The following ZNF407 variants were observed in gnomAD, a reference collection of about 807,000 sequenced individuals.
ZNF407 encodes zinc finger protein 407.
ZNF407 carries 17 observed loss-of-function variants against 131.2 expected under a neutral mutation model. The ratio of observed to expected loss-of-function variants is 0.13; its 90% CI spans 0.09 to 0.19. The LOEUF is 0.19. ZNF407 is among the 10% of genes least tolerant of loss of function. The pLI, the probability that ZNF407 is intolerant of heterozygous loss-of-function variation, is 1.00. For synonymous variants in ZNF407, 1,156 were observed against 1,062.0 expected (o/e 1.09, Z -1.72); for missense variants, 2,681 against 2,830.6 (o/e 0.95, Z 1.20).
intron 8 of ZNF407, among the ~76,000 whole-genome samples, chr18:75,011,484 TA>T (rs1299131503): frequency 6.6e-6 from 1 of 152,154 alleles, no homozygotes; most frequent in African/African-American, 2.4e-5. Context: ...TTTTACTCAT[TA>T]CCACTACAAA....
At chr18:74,794,691 T>C (rs560840143) in intron 4 of ZNF407, among the ~76,000 whole-genome samples, 1 of 152,282 alleles carries the variant, frequency 6.6e-6, no homozygotes, top group Admixed American at 6.5e-5. Flanking sequence ...AAATGGTCTG[T>C]ATCTCCATAT....
chr18:75,007,187 T>TTTTA (rs879803227), intron 8 of ZNF407, among the ~76,000 whole-genome samples: 60 of 151,864 alleles, frequency 4.0e-4, no homozygotes, highest in Non-Finnish European at 6.8e-4. Flanking sequence ...TGTTAGTATT[T>TTTTA]TTTATTTATT....
rs1459991366 is a variant in ZNF407 at position 74,706,268 on chromosome 18, TG to T, written c.4802+65147del. Among the ~76,000 whole-genome samples the T allele has an allele frequency of 2.6e-5, 4 of 152,252 alleles. No homozygotes were observed. In the East Asian group the frequency reaches 7.7e-4, roughly 29 times the overall value. Reference sequence around the variant, plus strand: ...TCTTTTCTGCTATTTACTAGACTTTTGTTCAAAGCTTTCACTTTTGTTTTGG... The same window carrying T: ...TCTTTTCTGCTATTTACTAGACTTTTTTCAAAGCTTTCACTTTTGTTTTGG... On this transcript the variant is annotated intron_variant, in intron 3 of 8. Coordinates refer to ENST00000299687, the MANE Select transcript of ZNF407 (RefSeq NM_017757.3).
At chr18:74,804,144 T>C in intron 4 of ZNF407, 3 of 1,493,340 alleles carry the variant, frequency 2.0e-6, no homozygotes, top group Non-Finnish European at 2.7e-6. Flanking sequence ...ATTGTCTTTT[T>C]TTTTTTCCTT....
chr18:74,748,390 A>G (rs188391045), intron 3 of ZNF407, among the ~76,000 whole-genome samples: 2 of 152,024 alleles, frequency 1.3e-5, no homozygotes, highest in South Asian at 2.1e-4. Context: ...ACTATTGAGA[A>G]CATGATTATT....
intron 3 of ZNF407, among the ~76,000 whole-genome samples, chr18:74,696,171 C>A (rs568461299): frequency 8.5e-4 from 130 of 152,290 alleles, no homozygotes; most frequent in African/African-American, 3.1e-3. Flanking sequence ...GTGGACACAA[C>A]GTGTGCTGGC....
At chr18:74,806,536 C>T (rs1378504631) in intron 4 of ZNF407, among the ~76,000 whole-genome samples, 1 of 152,098 alleles carries the variant, frequency 6.6e-6, no homozygotes, top group African/African-American at 2.4e-5. Flanking sequence ...TTCTGGAAAG[C>T]AGATATGATA....
chr18:74,738,108 A>G (rs934792137), intron 3 of ZNF407, among the ~76,000 whole-genome samples: 4 of 152,088 alleles, frequency 2.6e-5, no homozygotes, highest in Non-Finnish European at 5.9e-5. Flanking sequence ...TGTCTTTTCT[A>G]TATTCACTGT....
intron 3 of ZNF407, among the ~76,000 whole-genome samples, chr18:74,702,030 A>G (rs1967508593): frequency 6.6e-6 from 1 of 152,198 alleles, no homozygotes; most frequent in South Asian, 2.1e-4. Context: ...CCATTATTAT[A>G]CTGAAAATAT....
At chr18:75,001,946 A>G (rs1329693820) in intron 8 of ZNF407, among the ~76,000 whole-genome samples, 1 of 152,198 alleles carries the variant, frequency 6.6e-6, no homozygotes, top group African/African-American at 2.4e-5. Flanking sequence ...GGTGGAGACC[A>G]AGTGCTGCTG....
chr18:75,051,032 G>A (rs748014852), intron 8 of ZNF407, among the ~76,000 whole-genome samples: 3 of 151,824 alleles, frequency 2.0e-5, no homozygotes, highest in East Asian at 1.9e-4. Context: ...TGAAGATGCC[G>A]TGGCAAATAA....
chr18:74,916,801 T>TGTGTGTGC (rs1264566999), intron 7 of ZNF407, among the ~76,000 whole-genome samples: 1 of 145,524 alleles, frequency 6.9e-6, no homozygotes, highest in Non-Finnish European at 1.5e-5. Flanking sequence ...TGTGTGTGTG[T>TGTGTGTGC]GTGCATGTGT....
chr18:74,786,478 T>C (rs1031062777), intron 4 of ZNF407, among the ~76,000 whole-genome samples: 1 of 152,020 alleles, frequency 6.6e-6, no homozygotes, highest in South Asian at 2.1e-4. Flanking sequence ...CTTTTTCTTT[T>C]TTTTTTCCCC....
At chr18:74,901,807 A>G (rs1472968231) in intron 7 of ZNF407, among the ~76,000 whole-genome samples, 3 of 152,206 alleles carry the variant, frequency 2.0e-5, no homozygotes, top group Non-Finnish European at 2.9e-5. Flanking sequence ...ACATGCACAC[A>G]TATATTATTA....
At chr18:74,760,976 G>A (rs1001744954) in intron 3 of ZNF407, among the ~76,000 whole-genome samples, 3 of 152,070 alleles carry the variant, frequency 2.0e-5, no homozygotes, top group Non-Finnish European at 2.9e-5. Flanking sequence ...TTATGGAGGA[G>A]CAGATTTTTG....
intron 4 of ZNF407, among the ~76,000 whole-genome samples, chr18:74,862,382 A>T (rs559611482): frequency 1.3e-5 from 2 of 152,328 alleles, no homozygotes; most frequent in South Asian, 4.1e-4. Flanking sequence ...GGAGCAGCCA[A>T]ATGTTTTTCT....
intron 3 of ZNF407, among the ~76,000 whole-genome samples, chr18:74,698,346 C>A (rs1019051850): frequency 1.3e-5 from 2 of 152,198 alleles, no homozygotes; most frequent in Non-Finnish European, 2.9e-5. Context: ...AACATCTAGA[C>A]TTATAACCAG....
At chr18:74,967,003 G>A (rs1208459134) in intron 8 of ZNF407, among the ~76,000 whole-genome samples, 1 of 152,170 alleles carries the variant, frequency 6.6e-6, no homozygotes, top group African/African-American at 2.4e-5. Flanking sequence ...GCTCACACCT[G>A]TAATCTGAAC....
At chr18:74,783,940 C>T (rs1168378026) in intron 4 of ZNF407, among the ~76,000 whole-genome samples, 1 of 152,212 alleles carries the variant, frequency 6.6e-6, no homozygotes, top group Non-Finnish European at 1.5e-5. Context: ...AATGCCAGGA[C>T]CCCAGCAGCA....
Sources: gnomAD v4.1 joint callset for allele counts (sites outside exome capture counted in the v4.1 genomes callset) on GRCh38, gnomAD v4.1.1 for gene constraint, MANE v1.5 for transcripts, NCBI Gene and HGNC (gene_info 2026-07-23, HGNC 2026-07-21) for gene names.